CAMSAP1: variants seen among roughly 807,000 people sequenced by gnomAD.
The protein encoded by CAMSAP1 is calmodulin regulated spectrin associated protein 1.
In CAMSAP1, 58 loss-of-function variants were observed where a neutral mutation model predicts 143.5. The observed-to-expected ratio is 0.40, with a 90% confidence interval of 0.33 to 0.50. The LOEUF is 0.50. Ranked by LOEUF, CAMSAP1 falls within the 20% of genes least tolerant of loss-of-function variation. CAMSAP1 has a pLI of 0.45. For missense variants in CAMSAP1, 1,969 were observed against 2,115.7 expected (o/e 0.93, Z 1.36); for synonymous variants, 945 against 859.3 (o/e 1.10, Z -1.74).
intron 16 of CAMSAP1, among the ~76,000 whole-genome samples, chr9:135,813,244 G>A (rs966617460): frequency 1.3e-5 from 2 of 152,202 alleles, no homozygotes; most frequent in Admixed American, 1.3e-4. Context: ...ACCTTCCCAA[G>A]GCCCTGGGCT....
chr9:135,859,792 T>C (rs760522254), intron 5 of CAMSAP1, among the ~76,000 whole-genome samples: 6 of 152,176 alleles, frequency 3.9e-5, no homozygotes, highest in South Asian at 2.1e-4. Context: ...ATGATCATAA[T>C]TGGCAATGAC....
At chr9:135,825,006 G>A in intron 8 of CAMSAP1, 126 bp from the exon 9 acceptor site, 1 of 736,768 alleles carries the variant, frequency 1.4e-6, no homozygotes, top group Non-Finnish European at 2.2e-6. Context: ...GACTGTTTGG[G>A]AAAAAAATGA....
Position 135,821,050 on chromosome 9 carries a change from C to T in CAMSAP1, c.3611G>A (p.Ser1204Asn), listed in dbSNP as rs76430730. ...GGAGCTGGACCCCACCTCCTTCACA[C>T]TCGCATCCAGAACTTCTTTGAGGCT... ...QMSLKEVLDA[S>N]VKEVGSSSSD... The change falls in exon 11 of 17, where the codon AGT (serine) becomes AAT (asparagine). Residue 1204 changes from serine (S) to asparagine (N), a missense_variant. By Grantham distance (46) the Ser-to-Asn change is conservative (BLOSUM62 1). Transcript: ENST00000389532. The surrounding 1 kb of genome is among the most constrained non-coding windows in gnomAD (Gnocchi z 4.6). The T allele has an allele frequency of 9.5e-4, 1,534 of 1,613,976 alleles. 27 individuals are homozygous for T. In the East Asian group the frequency reaches 0.033, roughly 34 times the overall value.
At chr9:135,855,698 C>A (rs1165322694) in intron 5 of CAMSAP1, among the ~76,000 whole-genome samples, 2 of 142,198 alleles carry the variant, frequency 1.4e-5, no homozygotes, top group Middle Eastern at 3.7e-3. Flanking sequence ...GAGCAGAGAT[C>A]GGGCCACTGC....
rs190005553 is a variant in CAMSAP1, at chr9:135,824,995, G to A, written c.1224-115C>T. 6.7e-4 allele frequency: 523 copies of A among 785,366 alleles called. 6 individuals carry two copies. The highest frequency in any genetic ancestry group is 8.0e-5 in the Non-Finnish European group (40 of 499,124). 48.6% of individuals were successfully genotyped at this position (785,366 alleles called of 1,614,324 possible). On this transcript the variant is annotated intron_variant, in intron 8 of 16. Coordinates refer to ENST00000389532, the MANE Select transcript of CAMSAP1 (RefSeq NM_015447.4). The surrounding 1 kb of genome is among the most constrained non-coding windows in gnomAD (Gnocchi z 4.1). ...ATTCACACCAAGTTTTGAGAAACTCGGACTGTTTGGGAAAAAAATGACAAT... is the reference window on the plus strand; with the variant it reads ...ATTCACACCAAGTTTTGAGAAACTCAGACTGTTTGGGAAAAAAATGACAAT...
Position 135,811,136 on chromosome 9 carries a change from G to A in CAMSAP1, c.*173C>T, listed in dbSNP as rs1257600019. On this transcript the variant is annotated 3_prime_UTR_variant, in exon 17 of 17. Coordinates refer to ENST00000389532, the MANE Select transcript of CAMSAP1 (RefSeq NM_015447.4). The surrounding 1 kb of genome is among the most constrained non-coding windows in gnomAD (Gnocchi z 4.9). ...CTGCGTGAGATGAGCGCTGAGAGAG[G>A]GGTTTTCTTCTGCTGTCTAGAAACC... 2 of 723,346 alleles carry A rather than the reference G, an allele frequency of 2.8e-6. No homozygotes were observed. The highest frequency in any genetic ancestry group is 4.5e-6 in the Non-Finnish European group (2 of 444,820). 44.8% of individuals were successfully genotyped at this position (723,346 alleles called of 1,614,324 possible). A position where few individuals can be genotyped will look rare whatever the true frequency, so the allele number is the denominator to read the frequency against.
chr9:135,872,615 A>G (rs1837605241), intron 3 of CAMSAP1, among the ~76,000 whole-genome samples: 1 of 152,226 alleles, frequency 6.6e-6, no homozygotes, highest in African/African-American at 2.4e-5. Context: ...TCTGCAAAAA[A>G]TTCACTTTAA....
At position 135,867,499 on chromosome 9, in the gene CAMSAP1, G is replaced by T. The variant is rs375772649; in HGVS notation, c.586-963C>A. Among the ~76,000 whole-genome samples, 33 of 143,752 alleles carry T rather than the reference G, an allele frequency of 2.3e-4. No individual in the cohort carries two copies. The Middle Eastern group carries it at 0.011, about 48-fold the overall frequency. The allele number at this position is 143,752 out of a possible 152,430, so 94.3% of individuals were successfully genotyped here. On this transcript the variant is annotated intron_variant, in intron 3 of 16. Coordinates refer to ENST00000389532, the MANE Select transcript of CAMSAP1 (RefSeq NM_015447.4). ...CCTCTTTTTTTTTTTTAAAAAAAAA[G>T]TCTGTAAAGCTAATCAAGAAAATGA...
At chr9:135,906,557 C>T (rs1838782610) in intron 1 of CAMSAP1, among the ~76,000 whole-genome samples, 2 of 152,256 alleles carry the variant, frequency 1.3e-5, no homozygotes, top group Admixed American at 6.5e-5. Flanking sequence ...CAGCTGACAG[C>T]TTGTAAGCAT....
chr9:135,810,912 C>T lies in CAMSAP1; in HGVS notation c.*397G>A, dbSNP rs947164175. On this transcript the variant is annotated 3_prime_UTR_variant, in exon 17 of 17. Coordinates refer to ENST00000389532, the MANE Select transcript of CAMSAP1 (RefSeq NM_015447.4). Reference sequence around the variant, plus strand: ...GGGTGTCAGGCAATGTGCAAGGGGGCGAGGTGAGAAGCAAGAAAGCAAAGT... The same window carrying T: ...GGGTGTCAGGCAATGTGCAAGGGGGTGAGGTGAGAAGCAAGAAAGCAAAGT... 3 of 217,176 alleles carry T rather than the reference C, an allele frequency of 1.4e-5. No individual in the cohort carries two copies. Among genetic ancestry groups the T allele is most frequent in the Middle Eastern group, 1.8e-3 (1 of 546 alleles). 13.5% of individuals were successfully genotyped at this position (217,176 alleles called of 1,614,324 possible). A position where few individuals can be genotyped will look rare whatever the true frequency, so the allele number is the denominator to read the frequency against.
At chr9:135,815,861 T>C (rs1163154404) in intron 15 of CAMSAP1, 29 bp downstream of exon 15, 3 of 1,584,608 alleles carry the variant, frequency 1.9e-6, no homozygotes, top group Non-Finnish European at 2.6e-6. Flanking sequence ...ATGCCCACGA[T>C]GACCTCTAAG....
chr9:135,858,326 A>G (rs928384911), intron 5 of CAMSAP1, among the ~76,000 whole-genome samples: 1 of 151,658 alleles, frequency 6.6e-6, no homozygotes, highest in Non-Finnish European at 1.5e-5. Flanking sequence ...CCTTCCTTCA[A>G]CTTTTTTTGG....
Position 135,850,118 on chromosome 9 carries a change from G to A in CAMSAP1, c.1045+19C>T, listed in dbSNP as rs369527829. ...TCTCAAGGAAACCATTGCCAACCTGGGGAATATCTGTCACTCACCGTCTTT... is the reference window on the plus strand; with the variant it reads ...TCTCAAGGAAACCATTGCCAACCTGAGGAATATCTGTCACTCACCGTCTTT... On this transcript the variant is annotated intron_variant, in intron 7 of 16. Coordinates refer to ENST00000389532, the MANE Select transcript of CAMSAP1 (RefSeq NM_015447.4). 3.1e-6 allele frequency: 5 copies of A among 1,587,336 alleles called. No homozygotes were observed. The African/African-American group carries it at 6.7e-5, about 21-fold the overall frequency.
At chr9:135,846,794 A>G (rs1313541277) in intron 7 of CAMSAP1, among the ~76,000 whole-genome samples, 1 of 152,110 alleles carries the variant, frequency 6.6e-6, no homozygotes, top group Non-Finnish European at 1.5e-5. Context: ...GCTCATCATC[A>G]CTGGTCATTA....
At chr9:135,859,930 T>G (rs114622603) in intron 5 of CAMSAP1, among the ~76,000 whole-genome samples, 2,104 of 149,502 alleles carry the variant, frequency 0.014, 33 homozygotes, top group African/African-American at 0.046. Context: ...CAGGGCCAGG[T>G]GCGGTGGCTC....
intron 5 of CAMSAP1, among the ~76,000 whole-genome samples, chr9:135,860,782 T>A (rs533175324): frequency 6.6e-6 from 1 of 152,014 alleles, no homozygotes; most frequent in East Asian, 1.9e-4. Context: ...TCAGCTGCAG[T>A]GCCTGCTTTC....
intron 7 of CAMSAP1, among the ~76,000 whole-genome samples, chr9:135,829,822 C>T (rs1194472541): frequency 1.3e-5 from 2 of 151,614 alleles, no homozygotes; most frequent in Non-Finnish European, 2.9e-5. Context: ...CACTGCACTC[C>T]AGCCTGGGCG....
At chr9:135,845,906 A>T (rs1177177268) in intron 7 of CAMSAP1, among the ~76,000 whole-genome samples, 1 of 152,202 alleles carries the variant, frequency 6.6e-6, no homozygotes, top group East Asian at 1.9e-4. Flanking sequence ...GCTCATGGAT[A>T]GGAAGAATCA....
intron 10 of CAMSAP1, among the ~76,000 whole-genome samples, chr9:135,823,555 TCAGA>T (rs1200610488): frequency 1.3e-4 from 20 of 152,212 alleles, no homozygotes; most frequent in Admixed American, 6.5e-5. Context: ...AAATTAAAGC[TCAGA>T]CATTTTCTAA....
Sources: gnomAD v4.1 joint callset for allele counts (sites outside exome capture counted in the v4.1 genomes callset) on GRCh38, gnomAD v4.1.1 for gene constraint, Gnocchi (gnomAD v3.1) non-coding constraint, MANE v1.5 for transcripts, NCBI Gene and HGNC (gene_info 2026-07-23, HGNC 2026-07-21) for gene names.